Variants in PPFIA2 observed in about 807,000 individuals in gnomAD.
PPFIA2 encodes liprin-alpha-2.
A neutral mutation model predicts 175.5 loss-of-function variants in PPFIA2; 46 were observed. The observed-to-expected ratio is 0.26, with a 90% confidence interval of 0.21 to 0.34. The LOEUF (loss-of-function observed/expected upper bound fraction) is 0.34. Among genes scored for constraint, PPFIA2 ranks in the 10% least tolerant of loss-of-function variants. The pLI is 1.00. For synonymous variants in PPFIA2, 568 were observed against 511.4 expected (o/e 1.11, Z -1.49); for missense variants, 1,179 against 1,506.1 (o/e 0.78, Z 3.60).
chr12:81,412,646 G>A (rs193163308), intron 7 of PPFIA2, among the ~76,000 whole-genome samples: 30 of 151,974 alleles, frequency 2.0e-4, no homozygotes, highest in African/African-American at 6.3e-4. Flanking sequence ...AAAGGCTGAG[G>A]ATGAATCCTG....
intron 4 of PPFIA2, among the ~76,000 whole-genome samples, chr12:81,550,629 A>G (rs150661837): frequency 9.9e-5 from 15 of 152,070 alleles, no homozygotes; most frequent in African/African-American, 3.6e-4. Flanking sequence ...AAAATATCCA[A>G]TGGTGATTTT....
intron 25 of PPFIA2, among the ~76,000 whole-genome samples, chr12:81,283,384 T>A (rs1351035834): frequency 1.3e-5 from 2 of 152,034 alleles, no homozygotes. Context: ...AATATATATA[T>A]GTATATATGA....
chr12:81,339,552 C>T (rs373848090), intron 20 of PPFIA2, among the ~76,000 whole-genome samples: 5 of 151,778 alleles, frequency 3.3e-5, no homozygotes, highest in Admixed American at 2.0e-4. Flanking sequence ...ATTTTTGCTC[C>T]GAATGTCTTT....
intron 4 of PPFIA2, among the ~76,000 whole-genome samples, chr12:81,590,426 G>A (rs1395538584): frequency 2.0e-5 from 3 of 151,968 alleles, no homozygotes; most frequent in Non-Finnish European, 1.5e-5. Flanking sequence ...GAGATATGAT[G>A]CTATCCATAT....
intron 4 of PPFIA2, among the ~76,000 whole-genome samples, chr12:81,533,497 GC>G (rs1466637837): frequency 6.6e-6 from 1 of 151,504 alleles, no homozygotes; most frequent in Non-Finnish European, 1.5e-5. Context: ...CAGACTTTCT[GC>G]AGTGATTTTC....
Position 81,492,860 on chromosome 12 carries a change from C to A in PPFIA2, c.304-34994G>T, listed in dbSNP as rs557536392. Among the ~76,000 whole-genome samples the A allele has an allele frequency of 5.3e-5, 8 of 152,088 alleles. No homozygotes were observed. The South Asian group carries it at 1.2e-3, about 24-fold the overall frequency. On this transcript the variant is annotated intron_variant, in intron 4 of 32. Coordinates refer to ENST00000549396, the MANE Select transcript of PPFIA2 (RefSeq NM_003625.5). ...GAGGCAAAAGAGGAAGTAGGAAAATCAATGAGAGGACTATTGAAAGAATCT... is the reference window on the plus strand; with the variant it reads ...GAGGCAAAAGAGGAAGTAGGAAAATAAATGAGAGGACTATTGAAAGAATCT...
At chr12:81,613,799 C>A (rs1187142453) in intron 4 of PPFIA2, among the ~76,000 whole-genome samples, 1 of 152,096 alleles carries the variant, frequency 6.6e-6, no homozygotes, top group Non-Finnish European at 1.5e-5. Context: ...TTAAAGACAT[C>A]TTCCTCTGGC....
chr12:81,602,768 T>C (rs755539551), intron 4 of PPFIA2, among the ~76,000 whole-genome samples: 13 of 151,794 alleles, frequency 8.6e-5, no homozygotes, highest in African/African-American at 1.2e-4. Flanking sequence ...AAAGAGAAGA[T>C]TGATTTAAAT....
At chr12:81,713,439 T>C (rs144090740) in intron 3 of PPFIA2, among the ~76,000 whole-genome samples, 2,326 of 151,298 alleles carry the variant, frequency 0.015, 55 homozygotes, top group South Asian at 0.043. Context: ...TATTGATAGG[T>C]CTCAAAGAGA....
At chr12:81,339,625 G>A (rs1314516981) in intron 20 of PPFIA2, among the ~76,000 whole-genome samples, 1 of 151,782 alleles carries the variant, frequency 6.6e-6, no homozygotes, top group Non-Finnish European at 1.5e-5. Context: ...GTTATTAACT[G>A]CATGATAAAT....
chr12:81,415,193 AAAAAAAAAAAAAAAAAAATATATAT>A (rs2044758128), intron 7 of PPFIA2, among the ~76,000 whole-genome samples: 3 of 48,316 alleles, frequency 6.2e-5, no homozygotes, highest in East Asian at 5.8e-4. Flanking sequence ...AAAAAAAAAA[AAAAAAAAAAAAAAAAAAATATATAT>A]ATATATATAT....
intron 3 of PPFIA2, among the ~76,000 whole-genome samples, chr12:81,704,867 T>A (rs923460223): frequency 4.7e-5 from 7 of 150,352 alleles, no homozygotes; most frequent in African/African-American, 1.7e-4. Flanking sequence ...GTGGATCACC[T>A]GAGGTCAGGA....
Position 81,642,714 on chromosome 12 carries a change from G to GTATATATTATATACATACATGTATA in PPFIA2, c.303+34076_303+34077insTATACATGTATGTATATAATATATA, listed in dbSNP as rs1567687759. Among the ~76,000 whole-genome samples, 21 of 23,326 alleles carry GTATATATTATATACATACATGTATA rather than the reference G, an allele frequency of 9.0e-4. 6 individuals are homozygous for GTATATATTATATACATACATGTATA. The highest frequency in any genetic ancestry group is 1.6e-3 in the African/African-American group (10 of 6,090). The allele number at this position is 23,326 out of a possible 152,430, so 15.3% of individuals were successfully genotyped here. On this transcript the variant is annotated intron_variant, in intron 4 of 32. Transcript: ENST00000549396. ...TATACATACATGTATATGTATGTAT[G>GTATATATTATATACATACATGTATA]TATTATATACATACATGTATATGTA...
At chr12:81,445,390 C>T (rs2051067290) in intron 6 of PPFIA2, among the ~76,000 whole-genome samples, 166 bp downstream of exon 6, 1 of 152,046 alleles carries the variant, frequency 6.6e-6, no homozygotes, top group African/African-American at 2.4e-5. Context: ...TACCAACATC[C>T]ACACAGTAAT....
chr12:81,276,063 C>A (rs2040446191), intron 28 of PPFIA2, among the ~76,000 whole-genome samples: 1 of 152,116 alleles, frequency 6.6e-6, no homozygotes, highest in Admixed American at 6.5e-5. Context: ...CGATTACAGG[C>A]GTGAGCCACA....
chr12:81,737,954 C>T (rs920265186), intron 3 of PPFIA2, among the ~76,000 whole-genome samples: 2 of 151,350 alleles, frequency 1.3e-5, no homozygotes, highest in African/African-American at 2.4e-5. Context: ...ATTTACTGAA[C>T]AAAAGTAAAT....
At chr12:81,563,627 A>G (rs1254880156) in intron 4 of PPFIA2, among the ~76,000 whole-genome samples, 2 of 152,222 alleles carry the variant, frequency 1.3e-5, no homozygotes, top group African/African-American at 2.4e-5. Context: ...GTCTGTTGAG[A>G]AAACAGACTA....
At chr12:81,333,911 C>G (rs1026733731) in intron 21 of PPFIA2, among the ~76,000 whole-genome samples, 1 of 152,150 alleles carries the variant, frequency 6.6e-6, no homozygotes, top group African/African-American at 2.4e-5. Context: ...CTCCACTCAT[C>G]AGTGGGCAAG....
chr12:81,578,281 G>A (rs78419214), intron 4 of PPFIA2, among the ~76,000 whole-genome samples: 1 of 151,632 alleles, frequency 6.6e-6, no homozygotes, highest in East Asian at 1.9e-4. Flanking sequence ...TGAAGAAGGG[G>A]TCTACACAAA....
Sources: allele counts gnomAD v4.1 joint callset (sites outside exome capture counted in the v4.1 genomes callset), GRCh38; gene constraint gnomAD v4.1.1; transcripts MANE v1.5; gene names NCBI Gene and HGNC (gene_info 2026-07-23, HGNC 2026-07-21).